The following PRKCA variants were observed in gnomAD, a reference collection of about 807,000 sequenced individuals.
PRKCA encodes the protein protein kinase C alpha.
PRKCA carries 27 observed loss-of-function variants against 87.0 expected under a neutral mutation model. That is an observed-to-expected ratio of 0.31 (90% CI 0.23 to 0.43). PRKCA has a LOEUF of 0.43. Ranked by LOEUF, PRKCA falls within the 20% of genes least tolerant of loss-of-function variation. PRKCA has a pLI of 1.00. For missense variants in PRKCA, 518 were observed against 852.3 expected (o/e 0.61, Z 4.88); for synonymous variants, 329 against 311.1 (o/e 1.06, Z -0.61).
intron 3 of PRKCA, among the ~76,000 whole-genome samples, chr17:66,505,825 C>T (rs7217954): frequency 0.043 from 6,456 of 151,856 alleles, 194 homozygotes; most frequent in South Asian, 0.065. Flanking sequence ...ATAATGTCTC[C>T]GGGGCACTTT....
intron 16 of PRKCA, among the ~76,000 whole-genome samples, chr17:66,795,506 A>G (rs1975643284): frequency 6.6e-6 from 1 of 152,250 alleles, no homozygotes; most frequent in African/African-American, 2.4e-5. Flanking sequence ...TACTTGGCTA[A>G]TTAGAGGCAA....
intron 14 of PRKCA, chr17:66,775,699 A>G: frequency 1.0e-6 from 1 of 985,436 alleles, no homozygotes; most frequent in South Asian, 4.7e-5. Flanking sequence ...TTTCTGGGGA[A>G]AAAGTCTTCC....
chr17:66,737,754 G>C (rs966371892), intron 10 of PRKCA, among the ~76,000 whole-genome samples: 1 of 152,234 alleles, frequency 6.6e-6, no homozygotes, highest in Non-Finnish European at 1.5e-5. Flanking sequence ...ACGCCAGGGA[G>C]AGATGAGAGC....
chr17:66,619,086 G>A (rs1367452572), intron 3 of PRKCA, among the ~76,000 whole-genome samples: 1 of 148,560 alleles, frequency 6.7e-6, no homozygotes, highest in Non-Finnish European at 1.5e-5. Context: ...CATAGTCTTG[G>A]CATTTTTTTT....
Position 66,772,708 on chromosome 17 carries a change from C to A in PRKCA, c.1525-1279C>A, listed in dbSNP as rs1974963552. ...CCTGCCATACTTAGAAATTCAAATCCATGTTACTCCCTTCCACGAAGGGAG... is the reference window on the plus strand; with the variant it reads ...CCTGCCATACTTAGAAATTCAAATCAATGTTACTCCCTTCCACGAAGGGAG... On this transcript the variant is annotated intron_variant, in intron 13 of 16. Coordinates refer to ENST00000413366, the MANE Select transcript of PRKCA (RefSeq NM_002737.3). Among the ~76,000 whole-genome samples, 4 of 152,062 alleles carry A rather than the reference C, an allele frequency of 2.6e-5. No individual in the cohort carries two copies. The South Asian group carries it at 8.3e-4, about 32-fold the overall frequency.
At chr17:66,642,493 C>T (rs1441097167) in intron 4 of PRKCA, among the ~76,000 whole-genome samples, 1 of 152,102 alleles carries the variant, frequency 6.6e-6, no homozygotes, top group African/African-American at 2.4e-5. Context: ...AAGCTGATAC[C>T]TTTAGGACAT....
At chr17:66,316,757 C>T (rs1177991031) in intron 2 of PRKCA, among the ~76,000 whole-genome samples, 1 of 151,950 alleles carries the variant, frequency 6.6e-6, no homozygotes, top group Non-Finnish European at 1.5e-5. Flanking sequence ...CAGGGTCTTA[C>T]CGCATGGAAA....
intron 2 of PRKCA, chr17:66,398,190 T>C (rs564957189): frequency 6.6e-6 from 1 of 152,198 alleles, no homozygotes; most frequent in Non-Finnish European, 1.5e-5. Context: ...GAACCCATGG[T>C]CGAAGTCCAA....
At chr17:66,707,142 C>T (rs762712510) in intron 8 of PRKCA, among the ~76,000 whole-genome samples, 1 of 152,134 alleles carries the variant, frequency 6.6e-6, no homozygotes, top group Non-Finnish European at 1.5e-5. Flanking sequence ...CATCTCAGCC[C>T]ATGCTTGTGC....
chr17:66,744,639 T>C (rs2144243485), intron 13 of PRKCA, among the ~76,000 whole-genome samples: 1 of 152,344 alleles, frequency 6.6e-6, no homozygotes, highest in East Asian at 1.9e-4. Context: ...TTGTCTTTTT[T>C]TGTTGTTGCG....
intron 3 of PRKCA, among the ~76,000 whole-genome samples, chr17:66,561,164 T>C (rs1297473077): frequency 6.6e-6 from 1 of 152,230 alleles, no homozygotes; most frequent in Admixed American, 6.5e-5. Context: ...ATTAATCTGA[T>C]AAAGTGGTAA....
At chr17:66,779,751 G>C (rs958867280) in intron 14 of PRKCA, among the ~76,000 whole-genome samples, 1 of 152,164 alleles carries the variant, frequency 6.6e-6, no homozygotes, top group Non-Finnish European at 1.5e-5. Flanking sequence ...GAGCGGGTGA[G>C]AGGGGATAGA....
At chr17:66,735,439 C>G (rs369659979) in intron 9 of PRKCA, 50 bp from the exon 10 acceptor site, 2 of 1,610,224 alleles carry the variant, frequency 1.2e-6, no homozygotes, top group African/African-American at 2.7e-5. Flanking sequence ...CCCTCTGCCC[C>G]CCAAGATATG....
intron 13 of PRKCA, among the ~76,000 whole-genome samples, chr17:66,748,940 G>A (rs752491881): frequency 6.6e-6 from 1 of 152,030 alleles, no homozygotes; most frequent in African/African-American, 2.4e-5. Context: ...GAGACCTCAC[G>A]GTGGCAGGAA....
At chr17:66,765,809 T>G (rs546023863) in intron 13 of PRKCA, among the ~76,000 whole-genome samples, 2 of 152,176 alleles carry the variant, frequency 1.3e-5, no homozygotes, top group African/African-American at 4.8e-5. Context: ...CTATTTTCCC[T>G]TTTACAGTGA....
intron 13 of PRKCA, among the ~76,000 whole-genome samples, chr17:66,760,313 T>C (rs1326491694): frequency 6.6e-6 from 1 of 152,186 alleles, no homozygotes; most frequent in African/African-American, 2.4e-5. Context: ...AGTGTGGGTC[T>C]AAGAAGAAAT....
chr17:66,361,458 C>T (rs151095105), intron 2 of PRKCA, among the ~76,000 whole-genome samples: 2,350 of 151,794 alleles, frequency 0.015, 35 homozygotes, highest in Non-Finnish European at 0.024. Context: ...ATTACAGGCA[C>T]CCGCCACCAC....
intron 2 of PRKCA, among the ~76,000 whole-genome samples, chr17:66,360,653 A>G (rs1739455820): frequency 6.6e-6 from 1 of 152,180 alleles, no homozygotes; most frequent in South Asian, 2.1e-4. Flanking sequence ...AGCCTCAGGC[A>G]GGAGTCAGAT....
intron 2 of PRKCA, among the ~76,000 whole-genome samples, chr17:66,398,500 A>G (rs1910818533): frequency 6.6e-6 from 1 of 152,184 alleles, no homozygotes; most frequent in Non-Finnish European, 1.5e-5. Flanking sequence ...GAACTAAGTG[A>G]TAGTTGGAGT....
Sources: allele counts gnomAD v4.1 joint callset (sites outside exome capture counted in the v4.1 genomes callset), GRCh38; gene constraint gnomAD v4.1.1; transcripts MANE v1.5; gene names NCBI Gene and HGNC (gene_info 2026-07-23, HGNC 2026-07-21).